ZSWIM8: variants seen among roughly 807,000 people sequenced by gnomAD.
ZSWIM8 encodes the protein zinc finger SWIM-type containing 8.
A neutral mutation model predicts 173.7 loss-of-function variants in ZSWIM8; 27 were observed. The ratio of observed to expected loss-of-function variants is 0.16; its 90% CI spans 0.11 to 0.21. The LOEUF (loss-of-function observed/expected upper bound fraction) is 0.21, where lower values mean the gene tolerates loss of function less well. ZSWIM8 is among the 10% of genes least tolerant of loss of function. The pLI is 1.00. For synonymous variants in ZSWIM8, 958 were observed against 962.0 expected (o/e 1.00, Z 0.08); for missense variants, 1,627 against 2,428.8 (o/e 0.67, Z 6.94).
chr10:73,789,079 CTCT>C lies in ZSWIM8; in HGVS notation c.363-11_363-9del, dbSNP rs755529248. ...TTATTTGCTGAGTTGTGGCTGTGTC[CTCT>C]TCTTCACCCCCAGGCTGTATTCGTG... On this transcript the variant is annotated splice_polypyrimidine_tract_variant and intron_variant, in intron 2 of 25. Transcript: ENST00000604729. This position sits in a 1 kb window ranked among gnomAD's most constrained non-coding sequence, Gnocchi z 6.8. 1 of 1,612,634 alleles carries C rather than the reference CTCT, an allele frequency of 6.2e-7. No homozygotes were observed. Among genetic ancestry groups the C allele is most frequent in the Admixed American group, 1.7e-5 (1 of 59,888 alleles).
In ZSWIM8 at chr10:73,801,231, T is replaced by A; in HGVS notation, c.5301+36T>A. On this transcript the variant is annotated intron_variant, in intron 25 of 25. Coordinates refer to ENST00000604729, the MANE Select transcript of ZSWIM8 (RefSeq NM_001367799.1). This position sits in a 1 kb window ranked among gnomAD's most constrained non-coding sequence, Gnocchi z 4.9. ...AGAATTATGGAGCAGGGTGGAGCAC[T>A]TCCTGGGTGGTCTTGGACCAGAGGG... is the stretch of plus-strand genomic sequence containing the variant. The A allele has an allele frequency of 6.2e-7, 1 of 1,601,894 alleles. No individual in the cohort carries two copies.
chr10:73,799,457 C>T lies in ZSWIM8; in HGVS notation c.4632C>T (p.Ala1544=), dbSNP rs371155278. The T allele has an allele frequency of 2.9e-5, 47 of 1,600,490 alleles. No individual in the cohort carries two copies. Among genetic ancestry groups the T allele is most frequent in the African/African-American group, 2.1e-4 (16 of 74,578 alleles). Residue 1544 remains alanine (A), a synonymous_variant, in exon 21 of 26, where the codon GCC becomes GCT. Coordinates refer to ENST00000604729, the MANE Select transcript of ZSWIM8 (RefSeq NM_001367799.1). ...CCATGCCTCACATGCCCCGGCCTGC[C>T]GTCTTCCCTGTGCCCAGCTCTGCAT... ...AHPMPHMPRP[A]VFPVPSSAYP...
chr10:73,790,801 A>G (rs2083389759), intron 7 of ZSWIM8, among the ~76,000 whole-genome samples, 174 bp from the exon 8 acceptor site: 3 of 152,032 alleles, frequency 2.0e-5, no homozygotes, highest in Non-Finnish European at 4.4e-5. Context: ...GTGAGGTGAG[A>G]TCGCGCCATT....
chr10:73,798,209 C>T (rs2083758023), intron 19 of ZSWIM8, 21 bp from the exon 20 acceptor site: 3 of 1,612,156 alleles, frequency 1.9e-6, no homozygotes, highest in Non-Finnish European at 2.5e-6. Flanking sequence ...CCAACTCTGC[C>T]CTTCTCTCCT....
chr10:73,800,201 G>A lies in ZSWIM8; in HGVS notation c.4825+31G>A, dbSNP rs1201227038. On this transcript the variant is annotated intron_variant, in intron 22 of 25. Coordinates refer to ENST00000604729, the MANE Select transcript of ZSWIM8 (RefSeq NM_001367799.1). The surrounding 1 kb of genome is among the most constrained non-coding windows in gnomAD (Gnocchi z 4.1). ...TTGTGGGGCCAGGGAACAGGTGAAT[G>A]GAGGGGAGGCACACTGGGCAGGGGA... is the stretch of plus-strand genomic sequence containing the variant. 1 of 1,613,156 alleles carries A rather than the reference G, an allele frequency of 6.2e-7. No homozygotes were observed. The highest frequency in any genetic ancestry group is 8.5e-7 in the Non-Finnish European group (1 of 1,179,534).
chr10:73,792,147 T>C lies in ZSWIM8; in HGVS notation c.1608T>C (p.Thr536=). 2.0e-6 allele frequency: 3 copies of C among 1,529,524 alleles called. No individual in the cohort carries two copies. Among genetic ancestry groups the C allele is most frequent in the African/African-American group, 1.4e-5 (1 of 72,394 alleles). The allele number at this position is 1,529,524 out of a possible 1,614,324, so 94.7% of individuals were successfully genotyped here. ...ESRDRPRPLP[T]EPAVRPKEPG... ...GGGACCGGCCCCGACCCCTTCCTACTGAGCCAGCTGTGCGGCCCAAGGAGC... is the reference window on the plus strand; with the variant it reads ...GGGACCGGCCCCGACCCCTTCCTACCGAGCCAGCTGTGCGGCCCAAGGAGC... Residue 536 remains threonine (T), a synonymous_variant, in exon 10 of 26, where the codon ACT becomes ACC. Coordinates refer to ENST00000604729, the MANE Select transcript of ZSWIM8 (RefSeq NM_001367799.1). This position sits in a 1 kb window ranked among gnomAD's most constrained non-coding sequence, Gnocchi z 4.3.
chr10:73,792,415 A>G lies in ZSWIM8; in HGVS notation c.1876A>G (p.Ser626Gly), dbSNP rs756046995. The change falls in exon 10 of 26, where the codon AGC becomes GGC. Residue 626 changes from serine (S) to glycine (G), a missense_variant. Around this residue, in one of 18 missense-constraint regions of ZSWIM8, gnomAD observed 383 missense variants for 394.8 expected, o/e 0.97. Coordinates refer to ENST00000604729, the MANE Select transcript of ZSWIM8 (RefSeq NM_001367799.1). This position sits in a 1 kb window ranked among gnomAD's most constrained non-coding sequence, Gnocchi z 4.3. Reference sequence around the variant, plus strand: ...CCTGGCCGAGATGAGCCTGGATGACAGCAGCCTGGCCCTGGGCGCAGAGGC... The same window carrying G: ...CCTGGCCGAGATGAGCCTGGATGACGGCAGCCTGGCCCTGGGCGCAGAGGC... ...PDLAEMSLDD[S>G]SLALGAEAST... 4.5e-5 allele frequency: 73 copies of G among 1,604,414 alleles called. No individual in the cohort carries two copies. The highest frequency in any genetic ancestry group is 6.1e-5 in the Non-Finnish European group (72 of 1,175,426).
intron 20 of ZSWIM8, 50 bp from the exon 21 acceptor site, chr10:73,798,952 C>A: frequency 6.4e-7 from 1 of 1,553,396 alleles, no homozygotes; most frequent in East Asian, 2.3e-5. Context: ...TAACACCTTC[C>A]ATGTGGTAAA....
At chr10:73,793,205 C>T (rs995628587) in intron 10 of ZSWIM8, among the ~76,000 whole-genome samples, 1 of 152,224 alleles carries the variant, frequency 6.6e-6, no homozygotes. Context: ...CTGAATCACT[C>T]ATGTATCTGC....
At chr10:73,796,660 C>A in intron 15 of ZSWIM8, 114 bp from the exon 16 acceptor site, 1 of 1,436,764 alleles carries the variant, frequency 7.0e-7, no homozygotes, top group Non-Finnish European at 9.3e-7. Flanking sequence ...GTGGGGAAGG[C>A]TCCCTGAGGA....
chr10:73,786,331 T>G (rs1191065725), intron 1 of ZSWIM8: 2 of 403,448 alleles, frequency 5.0e-6, no homozygotes, highest in Non-Finnish European at 8.7e-6. Context: ...TGTGTGGGTG[T>G]GTGTGTGTGT....
intron 1 of ZSWIM8, 24 bp from the exon 2 acceptor site, chr10:73,788,646 T>C: frequency 6.2e-7 from 1 of 1,612,862 alleles, no homozygotes; most frequent in Non-Finnish European, 8.5e-7. Flanking sequence ...CTCTTTCCCC[T>C]GATCCCAACC....
At chr10:73,796,382 A>C (rs778615245) in intron 15 of ZSWIM8, 2 of 422,230 alleles carry the variant, frequency 4.7e-6, no homozygotes, top group South Asian at 3.5e-5. Context: ...AAAAAAGAAA[A>C]GTGCTCTTCT....
rs377152166 is a variant in ZSWIM8 at position 73,789,853 on chromosome 10, A to G, written c.738+29A>G. On this transcript the variant is annotated intron_variant, in intron 5 of 25. Transcript: ENST00000604729. The surrounding 1 kb of genome is among the most constrained non-coding windows in gnomAD (Gnocchi z 6.8). ...GGTGAGGTCGGCACCCCCTCCTGCA[A>G]TTAGCTCCGGGCCAGGCCGCATAAC... The G allele has an allele frequency of 1.3e-6, 2 of 1,588,162 alleles. No homozygotes were observed. Among genetic ancestry groups the G allele is most frequent in the African/African-American group, 2.7e-5 (2 of 74,154 alleles).
Position 73,800,211 on chromosome 10 carries a change from C to T in ZSWIM8, c.4825+41C>T. The stretch of plus-strand genomic sequence containing the variant: ...AGGGAACAGGTGAATGGAGGGGAGG[C>T]ACACTGGGCAGGGGAGGTGGGGAGG... On this transcript the variant is annotated intron_variant, in intron 22 of 25. Transcript: ENST00000604729. This position sits in a 1 kb window ranked among gnomAD's most constrained non-coding sequence, Gnocchi z 4.1. 1 of 1,612,688 alleles carries T rather than the reference C, an allele frequency of 6.2e-7. No homozygotes were observed. The highest frequency in any genetic ancestry group is 8.5e-7 in the Non-Finnish European group (1 of 1,179,210).
At chr10:73,788,240 TAAA>T (rs71482558) in intron 1 of ZSWIM8, among the ~76,000 whole-genome samples, 8 of 135,340 alleles carry the variant, frequency 5.9e-5, no homozygotes, top group Non-Finnish European at 4.8e-5. Context: ...AAGGGATGGT[TAAA>T]AAAAAAAAAA....
intron 15 of ZSWIM8, chr10:73,796,357 A>G: frequency 2.3e-6 from 1 of 428,920 alleles, no homozygotes; most frequent in South Asian, 1.7e-5. Context: ...TCTTAAAAAA[A>G]AAAGAAGAAG....
chr10:73,790,847 T>TC (rs1351584374), intron 7 of ZSWIM8, 128 bp from the exon 8 acceptor site: 10 of 823,362 alleles, frequency 1.2e-5, no homozygotes, highest in Non-Finnish European at 1.7e-5. Flanking sequence ...AGACTTGGTC[T>TC]CAAAAAAAAA....
chr10:73,793,595 T>G lies in ZSWIM8; in HGVS notation c.2321T>G (p.Phe774Cys), dbSNP rs764434838. The change falls in exon 11 of 26, where the codon TTT becomes TGT. Residue 774 changes from phenylalanine (F) to cysteine (C), a missense_variant. By Grantham distance (205) the Phe-to-Cys change is radical. Transcript: ENST00000604729. ...CCCATGTCCTCCTTCCAGGTACTGT[T>G]TGCCTGTGCTGAGGCCCTGCATGCG... Reference protein sequence around the residue: ...LEQESRMEVLFACAEALHAHG... With the variant: ...LEQESRMEVLCACAEALHAHG... The G allele has an allele frequency of 3.1e-5, 49 of 1,592,256 alleles. No homozygotes were observed. Among genetic ancestry groups the G allele is most frequent in the Non-Finnish European group, 4.1e-5 (48 of 1,169,318 alleles).
Sources: allele counts gnomAD v4.1 joint callset (sites outside exome capture counted in the v4.1 genomes callset), GRCh38; gene constraint gnomAD v4.1.1; regional missense constraint gnomAD v4.1.1; non-coding constraint Gnocchi (gnomAD v3.1); transcripts MANE v1.5; gene names NCBI Gene and HGNC (gene_info 2026-07-23, HGNC 2026-07-21).